The following TPD52 variants were observed in gnomAD, a reference collection of about 807,000 sequenced individuals.
TPD52 encodes prostate and colon associated protein.
TPD52 carries 17 observed loss-of-function variants against 31.3 expected under a neutral mutation model. The observed-to-expected ratio is 0.54, with a 90% CI of 0.37 to 0.82. The LOEUF (loss-of-function observed/expected upper bound fraction) is 0.82, where lower values mean the gene tolerates loss of function less well. TPD52 is among the 40% of genes least tolerant of loss of function. The pLI, the probability that TPD52 is intolerant of heterozygous loss-of-function variation, is 0.00. For synonymous variants in TPD52, 83 were observed against 89.6 expected (o/e 0.93, Z 0.42); for missense variants, 212 against 240.1 (o/e 0.88, Z 0.77).
At chr8:80,102,861 G>A (rs747121666) in intron 1 of TPD52, among the ~76,000 whole-genome samples, 42 of 152,150 alleles carry the variant, frequency 2.8e-4, no homozygotes, top group Non-Finnish European at 6.0e-4. Flanking sequence ...TTAACCAACA[G>A]CCAATGATTT....
chr8:80,134,375 C>T (rs1317385493), intron 1 of TPD52, among the ~76,000 whole-genome samples: 1 of 152,104 alleles, frequency 6.6e-6, no homozygotes, highest in Non-Finnish European at 1.5e-5. Flanking sequence ...TCATATAGTA[C>T]CTAAAGTTTC....
intron 1 of TPD52, among the ~76,000 whole-genome samples, chr8:80,137,650 ATGTATTAT>A (rs1341700712): frequency 6.6e-6 from 1 of 152,248 alleles, no homozygotes; most frequent in Non-Finnish European, 1.5e-5. Flanking sequence ...TGCTTTGAAC[ATGTATTAT>A]TTTTCATAAG....
At chr8:80,080,403 A>G (rs1405230112) in intron 1 of TPD52, 2 of 1,614,098 alleles carry the variant, frequency 1.2e-6, no homozygotes, top group African/African-American at 1.3e-5. Flanking sequence ...CTGCATCAAA[A>G]TCAAACGGGG....
chr8:80,108,968 T>C (rs1807318025), intron 1 of TPD52, among the ~76,000 whole-genome samples: 1 of 152,194 alleles, frequency 6.6e-6, no homozygotes, highest in Non-Finnish European at 1.5e-5. Flanking sequence ...ATATAACTAT[T>C]TGCATAAGTT....
chr8:80,140,697 GT>G (rs143456269), intron 1 of TPD52, among the ~76,000 whole-genome samples: 3,586 of 152,248 alleles, frequency 0.024, 146 homozygotes, highest in African/African-American at 0.082. Flanking sequence ...ATATGAATTG[GT>G]TGAAGGTGGT....
intron 1 of TPD52, among the ~76,000 whole-genome samples, chr8:80,129,915 G>A (rs1445002625): frequency 6.6e-6 from 1 of 152,156 alleles, no homozygotes; most frequent in Non-Finnish European, 1.5e-5. Context: ...GGCCAGGATG[G>A]TCTCTATCTC....
At chr8:80,074,530 G>T (rs748513148) in intron 1 of TPD52, among the ~76,000 whole-genome samples, 2 of 152,240 alleles carry the variant, frequency 1.3e-5, no homozygotes, top group Non-Finnish European at 1.5e-5. Flanking sequence ...TCATGCGGTG[G>T]ATGACTGTGG....
At chr8:80,038,342 T>G in intron 7 of TPD52, 107 bp from the exon 8 acceptor site, 1 of 1,149,056 alleles carries the variant, frequency 8.7e-7, no homozygotes, top group Non-Finnish European at 1.2e-6. Context: ...ATCAGCAACC[T>G]TATAGCTCAG....
chr8:80,049,012 C>T (rs1379884405), intron 5 of TPD52, among the ~76,000 whole-genome samples: 4 of 152,180 alleles, frequency 2.6e-5, no homozygotes, highest in Non-Finnish European at 4.4e-5. Flanking sequence ...ACAGCACACA[C>T]TGAGCCATAT....
At chr8:80,053,048 A>G (rs1811527054) in intron 3 of TPD52, 1 of 391,880 alleles carries the variant, frequency 2.6e-6, no homozygotes, top group Non-Finnish European at 4.6e-6. Context: ...TGGGATTTGA[A>G]TTTTATTTCT....
At chr8:80,108,332 C>T (rs1807274324) in intron 1 of TPD52, among the ~76,000 whole-genome samples, 1 of 152,000 alleles carries the variant, frequency 6.6e-6, no homozygotes, top group East Asian at 1.9e-4. Context: ...AAGTTTAAAA[C>T]TTTTTGAAAT....
intron 1 of TPD52, chr8:80,171,107 C>G (rs1812054428): frequency 1.1e-5 from 7 of 658,612 alleles, no homozygotes; most frequent in Non-Finnish European, 1.9e-5. Flanking sequence ...CTTCACGCGG[C>G]TTTCCACCCA....
At chr8:80,077,802 T>G (rs1356409859) in intron 1 of TPD52, among the ~76,000 whole-genome samples, 1 of 152,222 alleles carries the variant, frequency 6.6e-6, no homozygotes, top group East Asian at 1.9e-4. Flanking sequence ...GCACTATTCT[T>G]GGTGCTTGGG....
At chr8:80,094,446 A>ATATATATATT (rs1816551824) in intron 1 of TPD52, among the ~76,000 whole-genome samples, 6 of 53,218 alleles carry the variant, frequency 1.1e-4, no homozygotes, top group African/African-American at 6.9e-4. Context: ...ATATATATAT[A>ATATATATATT]TATATATATA....
At chr8:80,063,971 G>C (rs1316450933) in intron 2 of TPD52, among the ~76,000 whole-genome samples, 4 of 120,582 alleles carry the variant, frequency 3.3e-5, no homozygotes, top group African/African-American at 1.3e-4. Flanking sequence ...AGAAGGGGAA[G>C]AAGGAGGGGA....
intron 4 of TPD52, among the ~76,000 whole-genome samples, chr8:80,050,690 G>A (rs771297422): frequency 6.6e-6 from 1 of 152,176 alleles, no homozygotes; most frequent in Non-Finnish European, 1.5e-5. Context: ...GACAATGACA[G>A]TCTAAATATA....
intron 1 of TPD52, among the ~76,000 whole-genome samples, chr8:80,158,185 C>T (rs953853576): frequency 9.9e-5 from 15 of 152,072 alleles, no homozygotes; most frequent in Non-Finnish European, 1.6e-4. Context: ...TTTCCGGTTG[C>T]CTTCCCTTTA....
At chr8:80,115,057 G>A (rs1488570346) in intron 1 of TPD52, among the ~76,000 whole-genome samples, 1 of 152,216 alleles carries the variant, frequency 6.6e-6, no homozygotes, top group Non-Finnish European at 1.5e-5. Context: ...GTCAGACAAT[G>A]GAAGGGGCCT....
At chr8:80,150,558 T>C (rs1810504036) in intron 1 of TPD52, among the ~76,000 whole-genome samples, 1 of 152,212 alleles carries the variant, frequency 6.6e-6, no homozygotes, top group South Asian at 2.1e-4. Context: ...AGGGAAGCTG[T>C]ACCTGCAAAG....
Sources: gnomAD v4.1 joint callset for allele counts (sites outside exome capture counted in the v4.1 genomes callset) on GRCh38, gnomAD v4.1.1 for gene constraint, MANE v1.5 for transcripts, NCBI Gene and HGNC (gene_info 2026-07-23, HGNC 2026-07-21) for gene names.